The following CPAMD8 variants were observed in gnomAD, a reference collection of about 807,000 sequenced individuals.
CPAMD8 encodes C3 and PZP like alpha-2-macroglobulin domain containing 8, also known as C3 and PZP-like alpha-2-macroglobulin domain-containing protein 8.
In CPAMD8, 146 loss-of-function variants were observed where a neutral mutation model predicts 224.7. That is an observed-to-expected ratio of 0.65 (90% CI 0.57 to 0.75). The LOEUF (loss-of-function observed/expected upper bound fraction) is 0.75. Ranked by LOEUF, CPAMD8 falls within the 30% of genes least tolerant of loss-of-function variation. The pLI is 0.00. For missense variants in CPAMD8, 2,301 were observed against 2,537.5 expected (o/e 0.91, Z 2.00); for synonymous variants, 966 against 1,044.6 (o/e 0.92, Z 1.45).
At position 16,967,031 on chromosome 19, in the gene CPAMD8, C is replaced by T. The variant is rs571144284; in HGVS notation, c.2213+3860G>A. On this transcript the variant is annotated intron_variant, in intron 18 of 41. Coordinates refer to ENST00000443236, the MANE Select transcript of CPAMD8 (RefSeq NM_015692.5). ...TATAAATTATGCTACTATAAAGACA[C>T]ATGCACACGTATGTTTATTGTGGCA... Among the ~76,000 whole-genome samples, 4 of 152,196 alleles carry T rather than the reference C, an allele frequency of 2.6e-5. No homozygotes were observed. In the East Asian group the frequency reaches 7.7e-4, roughly 29 times the overall value.
In CPAMD8 at chr19:16,983,540, A is replaced by AAATT. The variant is rs537697395; in HGVS notation, c.1396-2858_1396-2855dup. 6.3e-3 allele frequency among the ~76,000 whole-genome samples: 965 copies of AAATT among 152,324 alleles called. 5 individuals carry two copies. The highest frequency in any genetic ancestry group is 0.022 in the African/African-American group (917 of 41,570). On this transcript the variant is annotated intron_variant, in intron 13 of 41. Coordinates refer to ENST00000443236, the MANE Select transcript of CPAMD8 (RefSeq NM_015692.5). ...CAGAGCAAGACCCTGTCTCAAAAAT[A>AAATT]AATTAATTAAAAACAAAGAAAGGAA...
intron 36 of CPAMD8, among the ~76,000 whole-genome samples, chr19:16,900,388 A>G (rs541507442): frequency 6.6e-6 from 1 of 152,202 alleles, no homozygotes; most frequent in African/African-American, 2.4e-5. Context: ...ACCCGAGGTC[A>G]GGAGTTTGAG....
At chr19:16,922,136 G>T (rs2053199318) in intron 26 of CPAMD8, 150 bp from the exon 27 acceptor site, 3 of 605,760 alleles carry the variant, frequency 5.0e-6, no homozygotes, top group Non-Finnish European at 2.9e-6. Flanking sequence ...ATCACATCTG[G>T]AGTCCTTGAA....
At chr19:16,894,921 AAC>A (rs3032709) in intron 41 of CPAMD8, 5,339 of 151,586 alleles carry the variant, frequency 0.035, 109 homozygotes, top group Middle Eastern at 0.068. Flanking sequence ...CCATCTCTAC[AAC>A]ACACACACAC....
At chr19:16,913,927 C>T (rs187122176) in intron 29 of CPAMD8, among the ~76,000 whole-genome samples, 1 of 152,146 alleles carries the variant, frequency 6.6e-6, no homozygotes, top group African/African-American at 2.4e-5. Context: ...TGCCATCCCC[C>T]ACCCCAGGAA....
chr19:16,980,722 G>A lies in CPAMD8; in HGVS notation c.1396-36C>T, dbSNP rs767505845. On this transcript the variant is annotated intron_variant, in intron 13 of 41. Transcript: ENST00000443236. ...CACGCAGCATGGGGGGCTCTGCCTC[G>A]CACCAATGTTGCAACCCACCACAGG... 1.1e-5 allele frequency: 16 copies of A among 1,481,372 alleles called. No homozygotes were observed. In the East Asian group the frequency reaches 1.7e-4, roughly 16 times the overall value. The allele number at this position is 1,481,372 out of a possible 1,614,324, so 91.8% of individuals were successfully genotyped here. A position where few individuals can be genotyped will look rare whatever the true frequency, so the allele number is the denominator to read the frequency against.
chr19:16,946,361 G>GTGTGTGTGTGTGGATT (rs2054084969), intron 21 of CPAMD8, among the ~76,000 whole-genome samples: 1 of 148,180 alleles, frequency 6.7e-6, no homozygotes, highest in Admixed American at 6.7e-5. Flanking sequence ...ACACGTGGGG[G>GTGTGTGTGTGTGGATT]TGTGTGTGTG....
At position 16,980,607 on chromosome 19, in the gene CPAMD8, C is replaced by T. The variant is rs764946021; in HGVS notation, c.1475G>A (p.Gly492Asp). 3.2e-5 allele frequency: 51 copies of T among 1,610,400 alleles called. No individual in the cohort carries two copies. Among genetic ancestry groups the T allele is most frequent in the Non-Finnish European group, 4.2e-5 (49 of 1,178,694 alleles). Residue 492 changes from glycine to aspartate, a missense_variant, in exon 14 of 42, where the codon GGC (glycine) becomes GAC (aspartate). Physicochemically the swap from Gly to Asp is moderately conservative, Grantham distance 94. Transcript: ENST00000443236. The part of the protein sequence containing the change: ...FTLYYEVAAR[G>D]NIVLSGQQPA... ...CTGCTGGCCCGATAGCACAATATTG[C>T]CCCGTGCAGCCACCTCGTAGTACAG...
chr19:16,993,091 G>A (rs543991545), intron 12 of CPAMD8, among the ~76,000 whole-genome samples: 61 of 152,258 alleles, frequency 4.0e-4, no homozygotes, highest in Non-Finnish European at 2.5e-4. Flanking sequence ...GTATAATCAC[G>A]GTCTGCCTCT....
At chr19:16,893,697 T>C in intron 41 of CPAMD8, 1 of 221,468 alleles carries the variant, frequency 4.5e-6, no homozygotes, top group Non-Finnish European at 8.9e-6. Context: ...GGGAGTGGGC[T>C]GGTCCTCTGG....
At chr19:16,897,842 C>T in intron 38 of CPAMD8, 41 bp from the exon 39 acceptor site, 2 of 1,576,160 alleles carry the variant, frequency 1.3e-6, no homozygotes, top group Non-Finnish European at 1.7e-6. Context: ...GCAGGCGCGA[C>T]GGGTCAGGGA....
rs144107897 is a variant in CPAMD8 at position 16,938,024 on chromosome 19, T to C, written c.2845+371A>G. On this transcript the variant is annotated intron_variant, in intron 23 of 41. Coordinates refer to ENST00000443236, the MANE Select transcript of CPAMD8 (RefSeq NM_015692.5). Reference sequence around the variant, plus strand: ...CTGGTCTCAAACTCCTGACTTCAAATGATCCACCTTCCTCAGGATCCCAAA... The same window carrying C: ...CTGGTCTCAAACTCCTGACTTCAAACGATCCACCTTCCTCAGGATCCCAAA... 1.6e-4 allele frequency among the ~76,000 whole-genome samples: 25 copies of C among 152,320 alleles called. 1 individual carries two copies. In the East Asian group the frequency reaches 4.8e-3, roughly 29 times the overall value.
chr19:16,899,488 A>C lies in CPAMD8; in HGVS notation c.4835T>G (p.Phe1612Cys), dbSNP rs755028686. 1.9e-6 allele frequency: 3 copies of C among 1,545,178 alleles called. No individual in the cohort carries two copies. Among genetic ancestry groups the C allele is most frequent in the Non-Finnish European group, 2.7e-6 (3 of 1,117,684 alleles). The change falls in exon 37 of 42, where the codon TTC (phenylalanine) becomes TGC (cysteine). Residue 1612 changes from phenylalanine (F) to cysteine (C), a missense_variant. By Grantham distance (205) the Phe-to-Cys change is radical. This residue lies in a region of CPAMD8 where 1,709 missense variants were observed against 1,753.2 expected (regional missense o/e 0.97). Transcript: ENST00000443236. The surrounding 1 kb of genome is among the most constrained non-coding windows in gnomAD (Gnocchi z 5.4). ...GGCTGGTGGTACCTCATCAAAGTAGAAGAGCACTCGGCGTCCAGCCACTTC... is the reference window on the plus strand; with the variant it reads ...GGCTGGTGGTACCTCATCAAAGTAGCAGAGCACTCGGCGTCCAGCCACTTC... ...RYEVAGRRVL[F>C]YFDEIPSRCL...
At chr19:16,992,730 G>A (rs1395503376) in intron 12 of CPAMD8, among the ~76,000 whole-genome samples, 6 of 152,170 alleles carry the variant, frequency 3.9e-5, no homozygotes, top group Admixed American at 3.9e-4. Context: ...GGGATTACAA[G>A]CATGAGCCAC....
In CPAMD8 at chr19:16,978,973, CCA is replaced by C. The variant is rs147325929; in HGVS notation, c.1586-1435_1586-1434del. On this transcript the variant is annotated intron_variant, in intron 14 of 41. Coordinates refer to ENST00000443236, the MANE Select transcript of CPAMD8 (RefSeq NM_015692.5). Reference sequence around the variant, plus strand: ...ATCCATCCATCATCCACCCACCCATCCACCATCCAATCATCTATCCATCTGTT... The same window carrying C: ...ATCCATCCATCATCCACCCACCCATCCCATCCAATCATCTATCCATCTGTT... 5.7e-3 allele frequency among the ~76,000 whole-genome samples: 865 copies of C among 151,380 alleles called. 11 individuals carry two copies. Among genetic ancestry groups the C allele is most frequent in the African/African-American group, 0.02 (819 of 41,300 alleles).
chr19:17,008,894 C>A (rs1441938972), intron 6 of CPAMD8, among the ~76,000 whole-genome samples: 1 of 151,840 alleles, frequency 6.6e-6, no homozygotes, highest in Non-Finnish European at 1.5e-5. Flanking sequence ...TTGAGACCAG[C>A]CTGGCCAACA....
chr19:16,897,459 T>A, intron 39 of CPAMD8: 1 of 544,714 alleles, frequency 1.8e-6, no homozygotes, highest in East Asian at 3.3e-5. Flanking sequence ...CCCCAGCCAC[T>A]TCCCTTCCGC....
intron 21 of CPAMD8, among the ~76,000 whole-genome samples, chr19:16,945,957 G>A (rs1032428583): frequency 4.6e-5 from 7 of 151,938 alleles, no homozygotes; most frequent in Non-Finnish European, 1.0e-4. Context: ...TTGTGTGCAC[G>A]AGTTTGTGTG....
At chr19:16,978,422 A>C (rs927191479) in intron 14 of CPAMD8, among the ~76,000 whole-genome samples, 1 of 152,132 alleles carries the variant, frequency 6.6e-6, no homozygotes, top group Non-Finnish European at 1.5e-5. Flanking sequence ...CTGGCCCTGG[A>C]CAAGGATTCC....
Sources: allele counts gnomAD v4.1 joint callset (sites outside exome capture counted in the v4.1 genomes callset), GRCh38; gene constraint gnomAD v4.1.1; regional missense constraint gnomAD v4.1.1; non-coding constraint Gnocchi (gnomAD v3.1); transcripts MANE v1.5; gene names NCBI Gene and HGNC (gene_info 2026-07-23, HGNC 2026-07-21).